Variants in CDK5RAP2 observed in about 807,000 individuals in gnomAD.
CDK5RAP2 encodes CDK5 regulatory subunit associated protein 2.
CDK5RAP2 carries 147 observed loss-of-function variants against 232.9 expected under a neutral mutation model. The observed-to-expected ratio is 0.63, with a 90% CI of 0.55 to 0.72. The LOEUF is 0.72. Among genes scored for constraint, CDK5RAP2 ranks in the 30% least tolerant of loss-of-function variants. The probability of loss-of-function intolerance (pLI) is 0.00; values close to 1 mark genes in which losing one functional copy is unlikely to be tolerated. For missense variants in CDK5RAP2, 2,195 were observed against 2,231.5 expected (o/e 0.98, Z 0.33); for synonymous variants, 833 against 833.7 (o/e 1.00, Z 0.01).
chr9:120,483,472 C>T (rs1206198612), intron 14 of CDK5RAP2, among the ~76,000 whole-genome samples: 1 of 152,230 alleles, frequency 6.6e-6, no homozygotes, highest in Non-Finnish European at 1.5e-5. Context: ...TTCACCCTCC[C>T]CAAAGTGTGG....
chr9:120,441,390 G>T (rs1418232912), intron 23 of CDK5RAP2, among the ~76,000 whole-genome samples: 1 of 152,100 alleles, frequency 6.6e-6, no homozygotes. Flanking sequence ...GTGTGTGTTT[G>T]TTTTTAGGGA....
chr9:120,537,492 T>A (rs1285737167), intron 6 of CDK5RAP2, among the ~76,000 whole-genome samples: 5 of 152,158 alleles, frequency 3.3e-5, no homozygotes. Context: ...AAGCCTGTTA[T>A]TTACTAAATG....
chr9:120,559,570 G>GAAA (rs777727216), intron 3 of CDK5RAP2, among the ~76,000 whole-genome samples: 6 of 60,804 alleles, frequency 9.9e-5, no homozygotes, highest in East Asian at 3.4e-4. Context: ...AGAGAAACAA[G>GAAA]AAAAAAAAAA....
At chr9:120,539,653 C>T (rs1477009453) in intron 5 of CDK5RAP2, among the ~76,000 whole-genome samples, 2 of 152,118 alleles carry the variant, frequency 1.3e-5, no homozygotes, top group Non-Finnish European at 2.9e-5. Flanking sequence ...GTGCCTGGTA[C>T]AAAGTAAGTA....
chr9:120,575,213 G>A (rs1391933651), intron 1 of CDK5RAP2, among the ~76,000 whole-genome samples: 2 of 151,912 alleles, frequency 1.3e-5, no homozygotes, highest in African/African-American at 4.8e-5. Flanking sequence ...CACCACGCCC[G>A]GCTAATTTTT....
In CDK5RAP2 at chr9:120,467,957, T is replaced by C. The variant is rs2037477016; in HGVS notation, c.2009A>G (p.Asp670Gly). ...AATGGTTTTCTTCAGGTGCTGGTTG[T>C]CTGTATACAGCTCCTTCACTAGCTG... ...LIQLVKELYT[D>G]NQHLKKTIFD... is the part of the protein sequence containing the mutation. Residue 670 changes from aspartate to glycine, a missense_variant, in exon 18 of 38, where the codon GAC becomes GGC. Coordinates refer to ENST00000349780, the MANE Select transcript of CDK5RAP2 (RefSeq NM_018249.6). 2 of 1,614,030 alleles carry C rather than the reference T, an allele frequency of 1.2e-6. No individual in the cohort carries two copies. Among genetic ancestry groups the C allele is most frequent in the Admixed American group, 3.3e-5 (2 of 60,018 alleles).
chr9:120,558,427 A>C (rs190487335), intron 3 of CDK5RAP2, among the ~76,000 whole-genome samples: 348 of 145,540 alleles, frequency 2.4e-3, no homozygotes, highest in African/African-American at 8.0e-3. Flanking sequence ...GTGTGATGTA[A>C]CAAGAGCCCC....
At chr9:120,491,571 G>T in intron 12 of CDK5RAP2, 94 bp from the exon 13 acceptor site, 1 of 817,826 alleles carries the variant, frequency 1.2e-6, no homozygotes, top group Non-Finnish European at 2.0e-6. Flanking sequence ...AAGAGAGCAA[G>T]ATAATAGATG....
intron 13 of CDK5RAP2, among the ~76,000 whole-genome samples, chr9:120,487,898 T>G (rs1225484635): frequency 1.3e-5 from 2 of 152,168 alleles, no homozygotes; most frequent in Non-Finnish European, 2.9e-5. Flanking sequence ...ACAAATTTGA[T>G]AAAACTTGAA....
At position 120,403,200 on chromosome 9, in the gene CDK5RAP2, C is replaced by T. The variant is rs975592146; in HGVS notation, c.5042-129G>A. On this transcript the variant is annotated intron_variant, in intron 33 of 37. Transcript: ENST00000349780. The surrounding 1 kb of genome is among the most constrained non-coding windows in gnomAD (Gnocchi z 4.2). ...TGCCCAAATGCCACCCAACACAAGC[C>T]CAGAGGGGAAAAGAGGCACGCTCCT... 13 of 900,478 alleles carry T rather than the reference C, an allele frequency of 1.4e-5. No homozygotes were observed. In the African/African-American group the frequency reaches 2.1e-4, roughly 15 times the overall value. 55.8% of individuals were successfully genotyped at this position (900,478 alleles called of 1,614,324 possible).
At chr9:120,485,022 C>A (rs2038521971) in intron 14 of CDK5RAP2, among the ~76,000 whole-genome samples, 2 of 151,984 alleles carry the variant, frequency 1.3e-5, no homozygotes, top group African/African-American at 4.8e-5. Flanking sequence ...TGATGCCTGG[C>A]CAGTAAATCT....
At chr9:120,556,514 C>T (rs912269381) in intron 3 of CDK5RAP2, among the ~76,000 whole-genome samples, 1 of 151,876 alleles carries the variant, frequency 6.6e-6, no homozygotes, top group Non-Finnish European at 1.5e-5. Flanking sequence ...CTGCAACCTC[C>T]GCCTCCCGGG....
intron 7 of CDK5RAP2, among the ~76,000 whole-genome samples, chr9:120,531,601 T>C (rs961520228): frequency 2.0e-5 from 3 of 151,932 alleles, no homozygotes; most frequent in Non-Finnish European, 4.4e-5. Context: ...CAAATGACAG[T>C]TGTTATAATT....
intron 18 of CDK5RAP2, among the ~76,000 whole-genome samples, chr9:120,464,286 G>A (rs1003345778): frequency 6.6e-6 from 1 of 151,956 alleles, no homozygotes; most frequent in Non-Finnish European, 1.5e-5. Context: ...AGTGAGGGCT[G>A]GGCACCTGTC....
intron 22 of CDK5RAP2, among the ~76,000 whole-genome samples, chr9:120,444,917 C>T (rs780806263): frequency 7.9e-5 from 12 of 152,156 alleles, no homozygotes; most frequent in Non-Finnish European, 1.5e-4. Context: ...AGATCATGTA[C>T]TTAGAGTGTA....
intron 12 of CDK5RAP2, among the ~76,000 whole-genome samples, chr9:120,507,365 C>G (rs2039862597): frequency 1.3e-5 from 2 of 152,110 alleles, no homozygotes; most frequent in African/African-American, 2.4e-5. Context: ...AACTGAAGTT[C>G]AAAGACTTCA....
At chr9:120,462,034 C>A (rs527627600) in intron 18 of CDK5RAP2, among the ~76,000 whole-genome samples, 61 of 152,292 alleles carry the variant, frequency 4.0e-4, no homozygotes, top group African/African-American at 1.2e-3. Flanking sequence ...TTCAGAGGAA[C>A]AACCTTGTTG....
intron 3 of CDK5RAP2, among the ~76,000 whole-genome samples, chr9:120,556,368 C>T (rs887766355): frequency 7.9e-5 from 12 of 151,768 alleles, no homozygotes; most frequent in Admixed American, 1.3e-4. Context: ...ACACTCATCA[C>T]GTATTTTTTT....
At position 120,471,824 on chromosome 9, in the gene CDK5RAP2, C is replaced by T. The variant is rs1428696858; in HGVS notation, c.1782G>A (p.Leu594=). 2 of 1,613,350 alleles carry T rather than the reference C, an allele frequency of 1.2e-6. No homozygotes were observed. Among genetic ancestry groups the T allele is most frequent in the South Asian group, 2.2e-5 (2 of 91,060 alleles). Residue 594 remains leucine (L), a synonymous_variant, in exon 16 of 38, where the codon CTG becomes CTA. Coordinates refer to ENST00000349780, the MANE Select transcript of CDK5RAP2 (RefSeq NM_018249.6). ...LNKIFALRKQ[L]EQDVLSYQNL... is the part of the protein sequence containing the mutation. Reference sequence around the variant, plus strand: ...TCTGATATGAAAGCACATCCTGCTCCAGTTGCTTCCGCAGGGCAAAAATCT... The same window carrying T: ...TCTGATATGAAAGCACATCCTGCTCTAGTTGCTTCCGCAGGGCAAAAATCT...
Sources: gnomAD v4.1 joint callset for allele counts (sites outside exome capture counted in the v4.1 genomes callset) on GRCh38, gnomAD v4.1.1 for gene constraint, Gnocchi (gnomAD v3.1) non-coding constraint, MANE v1.5 for transcripts, NCBI Gene and HGNC (gene_info 2026-07-23, HGNC 2026-07-21) for gene names.